The following PLOD2 variants were observed in gnomAD, a reference collection of about 807,000 sequenced individuals.
PLOD2 encodes the protein lysine hydroxylase 2.
In PLOD2, 65 loss-of-function variants were observed where a neutral mutation model predicts 101.0. That is an observed-to-expected ratio of 0.64 (90% CI 0.53 to 0.79). The LOEUF is 0.79. PLOD2 is among the 30% of genes least tolerant of loss of function. PLOD2 has a pLI of 0.00. For synonymous variants in PLOD2, 314 were observed against 302.9 expected (o/e 1.04, Z -0.38); for missense variants, 909 against 914.6 (o/e 0.99, Z 0.08).
At chr3:146,121,387 A>G (rs1055329160) in intron 2 of PLOD2, 139 bp from the exon 3 acceptor site, 4 of 738,152 alleles carry the variant, frequency 5.4e-6, no homozygotes, top group Middle Eastern at 2.5e-4. Flanking sequence ...ATGATTCTAG[A>G]AAAAAAAATC....
chr3:146,145,859 T>C (rs1386517796), intron 1 of PLOD2, among the ~76,000 whole-genome samples: 1 of 152,094 alleles, frequency 6.6e-6, no homozygotes, highest in African/African-American at 2.4e-5. Context: ...CTGAAAGTTA[T>C]AGGGTGCTGT....
At chr3:146,075,487 T>TAAAAAAAAAAA (rs35706246) in intron 15 of PLOD2, among the ~76,000 whole-genome samples, 33 of 93,622 alleles carry the variant, frequency 3.5e-4, no homozygotes, top group East Asian at 6.3e-4. Flanking sequence ...CTCAAATCTG[T>TAAAAAAAAAAA]AAAAAAAAAA....
At chr3:146,108,266 G>A (rs990321179) in intron 4 of PLOD2, among the ~76,000 whole-genome samples, 2 of 151,934 alleles carry the variant, frequency 1.3e-5, no homozygotes, top group East Asian at 1.9e-4. Flanking sequence ...CTGCAGCCTC[G>A]ACCTCCTGGG....
In PLOD2 at chr3:146,079,001, TG is replaced by T; in HGVS notation, c.1500+114del. On this transcript the variant is annotated intron_variant, in intron 13 of 19. Transcript: ENST00000282903. Reference sequence around the variant, plus strand: ...TTTTTTAACACAGAACCAAAAAAATTGGCTAGTACTTACAAATTAGCAAGAC... The same window carrying T: ...TTTTTTAACACAGAACCAAAAAAATTGCTAGTACTTACAAATTAGCAAGAC... 3 of 972,340 alleles carry T rather than the reference TG, an allele frequency of 3.1e-6. No individual in the cohort carries two copies. In the South Asian group the frequency reaches 4.1e-5, roughly 13 times the overall value. The allele number at this position is 972,340 out of a possible 1,614,324, so 60.2% of individuals were successfully genotyped here.
Position 146,096,738 on chromosome 3 carries a change from G to A in PLOD2, c.778-4837C>T, listed in dbSNP as rs539447551. 1.3e-4 allele frequency among the ~76,000 whole-genome samples: 19 copies of A among 149,488 alleles called. 1 individual carries two copies. Among genetic ancestry groups the A allele is most frequent in the Admixed American group, 8.6e-4 (13 of 15,178 alleles). On this transcript the variant is annotated intron_variant, in intron 7 of 19. Coordinates refer to ENST00000282903, the MANE Select transcript of PLOD2 (RefSeq NM_182943.3). ...AGCGTCTCCGCCCGGAAGCCACCCCGTCCGGGAGGGAGGTGGGGGGGGTCA... is the reference window on the plus strand; with the variant it reads ...AGCGTCTCCGCCCGGAAGCCACCCCATCCGGGAGGGAGGTGGGGGGGGTCA...
chr3:146,082,169 G>A (rs1936567391), intron 11 of PLOD2, among the ~76,000 whole-genome samples: 1 of 152,112 alleles, frequency 6.6e-6, no homozygotes, highest in Non-Finnish European at 1.5e-5. Flanking sequence ...CCAACAGAGG[G>A]AAACTACTTT....
intron 12 of PLOD2, among the ~76,000 whole-genome samples, chr3:146,080,954 CT>C (rs113463757): frequency 6.6e-6 from 1 of 151,306 alleles, no homozygotes; most frequent in African/African-American, 2.4e-5. Flanking sequence ...AAACGTGTGC[CT>C]TTTTTTTTCT....
At position 146,077,003 on chromosome 3, in the gene PLOD2, T is replaced by A. The variant is rs1388133468; in HGVS notation, c.1564-108A>T. Reference sequence around the variant, plus strand: ...TTAATTTCTATCTTTATATTTCATTTATGAACATGCATTTTTAGTATTCAT... The same window carrying A: ...TTAATTTCTATCTTTATATTTCATTAATGAACATGCATTTTTAGTATTCAT... On this transcript the variant is annotated intron_variant, in intron 14 of 19. Coordinates refer to ENST00000282903, the MANE Select transcript of PLOD2 (RefSeq NM_182943.3). 7.0e-6 allele frequency: 9 copies of A among 1,278,108 alleles called. No homozygotes were observed. The African/African-American group carries it at 7.6e-5, about 11-fold the overall frequency. 79.2% of individuals were successfully genotyped at this position (1,278,108 alleles called of 1,614,324 possible). A position where few individuals can be genotyped will look rare whatever the true frequency, so the allele number is the denominator to read the frequency against.
intron 1 of PLOD2, among the ~76,000 whole-genome samples, chr3:146,147,839 T>TA (rs2031858526): frequency 6.6e-6 from 1 of 152,164 alleles, no homozygotes; most frequent in Admixed American, 6.5e-5. Flanking sequence ...AGGCACCTGC[T>TA]ATGGTGACTG....
At chr3:146,130,393 T>C (rs534226117) in intron 1 of PLOD2, among the ~76,000 whole-genome samples, 466 of 152,166 alleles carry the variant, frequency 3.1e-3, no homozygotes, top group African/African-American at 0.011. Flanking sequence ...ATTTGCATAA[T>C]CTCAAATTAT....
At position 146,069,871 on chromosome 3, in the gene PLOD2, T is replaced by C. The variant is rs2107988575; in HGVS notation, c.*846A>G. ...CTACTCATCTCAATGAAATTTTTCGTTTTCCTATTTTCTAGAACTTTCTAA... is the reference window on the plus strand; with the variant it reads ...CTACTCATCTCAATGAAATTTTTCGCTTTCCTATTTTCTAGAACTTTCTAA... On this transcript the variant is annotated 3_prime_UTR_variant, in exon 20 of 20. Coordinates refer to ENST00000282903, the MANE Select transcript of PLOD2 (RefSeq NM_182943.3). The C allele has an allele frequency of 6.6e-6, 1 of 152,358 alleles. No individual in the cohort carries two copies. Among genetic ancestry groups the C allele is most frequent in the Non-Finnish European group, 1.5e-5 (1 of 67,890 alleles). 9.4% of individuals were successfully genotyped at this position (152,358 alleles called of 1,614,324 possible). A position where few individuals can be genotyped will look rare whatever the true frequency, so the allele number is the denominator to read the frequency against.
intron 1 of PLOD2, among the ~76,000 whole-genome samples, chr3:146,150,411 T>C (rs531256429): frequency 3.3e-5 from 5 of 151,928 alleles, no homozygotes; most frequent in Admixed American, 2.6e-4. Context: ...AAAAATGAGA[T>C]CATGTTTTTT....
chr3:146,140,075 C>T (rs1176807401), intron 1 of PLOD2, among the ~76,000 whole-genome samples: 4 of 151,938 alleles, frequency 2.6e-5, no homozygotes, highest in African/African-American at 9.7e-5. Context: ...CTCTTTTGAA[C>T]GCAATTTAAA....
At chr3:146,117,016 T>C (rs779842309) in intron 3 of PLOD2, among the ~76,000 whole-genome samples, 11 of 152,122 alleles carry the variant, frequency 7.2e-5, no homozygotes, top group South Asian at 2.1e-4. Context: ...GGGATAATTA[T>C]GGGGTATTGG....
At chr3:146,127,226 G>A (rs1431095411) in intron 1 of PLOD2, among the ~76,000 whole-genome samples, 1 of 152,006 alleles carries the variant, frequency 6.6e-6, no homozygotes, top group Non-Finnish European at 1.5e-5. Context: ...TGTTACATAG[G>A]TATATTGCAT....
chr3:146,071,338 T>A lies in PLOD2; in HGVS notation c.1934A>T (p.His645Leu). The change falls in exon 18 of 20, where the codon CAT becomes CTT. Residue 645 changes from histidine (H) to leucine (L), a missense_variant. Coordinates refer to ENST00000282903, the MANE Select transcript of PLOD2 (RefSeq NM_182943.3). ...TGGTGCAATGAACTCCCGGATAAAA[T>A]GAAGCCATACATTCTCCAGATCAAC... Reference protein sequence around the residue: ...KQVDLENVWLHFIREFIAPVT... With the variant: ...KQVDLENVWLLFIREFIAPVT... The A allele has an allele frequency of 6.2e-7, 1 of 1,612,306 alleles. No individual in the cohort carries two copies.
At position 146,082,426 on chromosome 3, in the gene PLOD2, G is replaced by A. The variant is rs370255329; in HGVS notation, c.1233-563C>T. ...CCAGTTTTCCATGACTTTAAAAAATGACTTGTGATTACAGTAAGCTAGTCC... is the reference window on the plus strand; with the variant it reads ...CCAGTTTTCCATGACTTTAAAAAATAACTTGTGATTACAGTAAGCTAGTCC... On this transcript the variant is annotated intron_variant, in intron 11 of 19. Coordinates refer to ENST00000282903, the MANE Select transcript of PLOD2 (RefSeq NM_182943.3). 1.6e-4 allele frequency among the ~76,000 whole-genome samples: 25 copies of A among 152,232 alleles called. No homozygotes were observed. The South Asian group carries it at 3.5e-3, about 21-fold the overall frequency.
intron 1 of PLOD2, among the ~76,000 whole-genome samples, chr3:146,144,200 C>T (rs2031661537): frequency 6.6e-6 from 1 of 152,192 alleles, no homozygotes; most frequent in South Asian, 2.1e-4. Context: ...CATTTGTTTA[C>T]CGTCCTTTCT....
At chr3:146,072,461 C>CA in intron 17 of PLOD2, 100 bp downstream of exon 17, 2 of 809,438 alleles carry the variant, frequency 2.5e-6, no homozygotes, top group South Asian at 2.9e-5. Context: ...GTCTAGAACT[C>CA]AGAGACATAT....
Sources: allele counts gnomAD v4.1 joint callset (sites outside exome capture counted in the v4.1 genomes callset), GRCh38; gene constraint gnomAD v4.1.1; transcripts MANE v1.5; gene names NCBI Gene and HGNC (gene_info 2026-07-23, HGNC 2026-07-21).